Variants in NEDD4L observed in about 807,000 individuals in gnomAD.
NEDD4L encodes the protein E3 ubiquitin-protein ligase NEDD4-like.
NEDD4L carries 54 observed loss-of-function variants against 148.9 expected under a neutral mutation model. That is an observed-to-expected ratio of 0.36 (90% confidence interval 0.29 to 0.45). The LOEUF (loss-of-function observed/expected upper bound fraction) is 0.45, where lower values mean the gene tolerates loss of function less well. NEDD4L is among the 20% of genes least tolerant of loss of function. The pLI is 1.00. For synonymous variants in NEDD4L, 433 were observed against 440.7 expected, an observed-to-expected ratio of 0.98 and a Z score of 0.22; for missense variants, 856 against 1,233.8, an observed-to-expected ratio of 0.69 and a Z score of 4.59.
intron 1 of NEDD4L, among the ~76,000 whole-genome samples, chr18:58,097,470 A>T (rs966198296): frequency 6.6e-6 from 1 of 152,258 alleles, no homozygotes; most frequent in Non-Finnish European, 1.5e-5. Flanking sequence ...GAAGGACATC[A>T]GAAACAAAGG....
rs534119844 is a variant in NEDD4L at position 58,398,706 on chromosome 18, G to A, written c.*2437G>A. The A allele has an allele frequency of 6.6e-6, 1 of 152,318 alleles. No homozygotes were observed. The highest frequency in any genetic ancestry group is 2.4e-5 in the African/African-American group (1 of 41,570). 9.4% of individuals were successfully genotyped at this position (152,318 alleles called of 1,614,324 possible). A position where few individuals can be genotyped will look rare whatever the true frequency, so the allele number is the denominator to read the frequency against. ...TAAAAAAGCAAAACAAGGTTCAGTA[G>A]TCCTCAGCAATTCTCCAAGTTTCTC... On this transcript the variant is annotated 3_prime_UTR_variant, in exon 31 of 31. Transcript: ENST00000400345.
intron 1 of NEDD4L, among the ~76,000 whole-genome samples, chr18:58,084,178 T>C (rs1038452105): frequency 6.6e-6 from 1 of 152,120 alleles, no homozygotes; most frequent in Non-Finnish European, 1.5e-5. Flanking sequence ...ACATATTGTG[T>C]GATTATATGG....
At chr18:58,083,660 C>T (rs919515224) in intron 1 of NEDD4L, among the ~76,000 whole-genome samples, 1 of 150,728 alleles carries the variant, frequency 6.6e-6, no homozygotes, top group East Asian at 2.0e-4. Flanking sequence ...TGCACTCCAG[C>T]CTGGGCGACA....
intron 2 of NEDD4L, among the ~76,000 whole-genome samples, chr18:58,187,022 G>C (rs970579929): frequency 2.0e-5 from 3 of 152,240 alleles, no homozygotes; most frequent in Non-Finnish European, 4.4e-5. Context: ...ACGCAGGAAA[G>C]TGATCTTTGA....
chr18:58,123,286 C>T (rs747252755), intron 1 of NEDD4L, among the ~76,000 whole-genome samples: 1 of 152,156 alleles, frequency 6.6e-6, no homozygotes, highest in Admixed American at 6.5e-5. Context: ...TTTAGTGACC[C>T]TTTTTAGATC....
chr18:58,285,070 C>T (rs1246240922), intron 5 of NEDD4L, among the ~76,000 whole-genome samples: 1 of 152,198 alleles, frequency 6.6e-6, no homozygotes, highest in Non-Finnish European at 1.5e-5. Flanking sequence ...ATGCTTCCAG[C>T]AAAGGATTTC....
intron 16 of NEDD4L, among the ~76,000 whole-genome samples, chr18:58,347,964 G>GT (rs35777699): frequency 0.3 from 44,298 of 149,674 alleles, 6,612 homozygotes; most frequent in Middle Eastern, 0.41. Context: ...GTTGATAGTG[G>GT]TTTTTTTTTT....
Position 58,118,488 on chromosome 18 carries a change from CTATT to C in NEDD4L, c.49-47295_49-47292del, listed in dbSNP as rs1286164521. ...GTTAAAACAATTTGTTTACAAAATC[CTATT>C]TATTAAAATAAAAATCTGAAAGAAC... On this transcript the variant is annotated intron_variant, in intron 1 of 30. Coordinates refer to ENST00000400345, the MANE Select transcript of NEDD4L (RefSeq NM_001144967.3). Among the ~76,000 whole-genome samples the C allele has an allele frequency of 6.6e-5, 10 of 152,332 alleles. No individual in the cohort carries two copies. In the East Asian group the frequency reaches 1.9e-3, roughly 29 times the overall value.
chr18:58,296,943 C>T (rs933214670), intron 5 of NEDD4L, among the ~76,000 whole-genome samples: 5 of 151,578 alleles, frequency 3.3e-5, no homozygotes, highest in African/African-American at 4.8e-5. Flanking sequence ...AAAAGTTAAA[C>T]GAGTGTCTTG....
chr18:58,380,771 T>A (rs2048238064), intron 24 of NEDD4L, among the ~76,000 whole-genome samples: 1 of 152,166 alleles, frequency 6.6e-6, no homozygotes, highest in Non-Finnish European at 1.5e-5. Context: ...CCCCTCCCTG[T>A]GTCCATGAGT....
intron 20 of NEDD4L, among the ~76,000 whole-genome samples, chr18:58,365,384 C>T (rs1014105287): frequency 6.6e-6 from 1 of 152,238 alleles, no homozygotes; most frequent in East Asian, 1.9e-4. Context: ...TTCATTCTTA[C>T]AGCCAGACCA....
chr18:58,138,537 C>A (rs1340836948), intron 1 of NEDD4L, among the ~76,000 whole-genome samples: 1 of 152,140 alleles, frequency 6.6e-6, no homozygotes, highest in Admixed American at 6.5e-5. Flanking sequence ...TCCCTCTTCC[C>A]TCCTTGGCTG....
intron 2 of NEDD4L, among the ~76,000 whole-genome samples, chr18:58,172,695 A>G (rs1012834375): frequency 6.6e-6 from 1 of 152,190 alleles, no homozygotes; most frequent in Non-Finnish European, 1.5e-5. Context: ...TTGGAACCCA[A>G]TGTAATGTCA....
chr18:58,268,787 C>A (rs2050603718), intron 5 of NEDD4L, among the ~76,000 whole-genome samples: 1 of 152,100 alleles, frequency 6.6e-6, no homozygotes, highest in Non-Finnish European at 1.5e-5. Flanking sequence ...GCCAGTTTAT[C>A]CTCAGGCTTC....
intron 5 of NEDD4L, among the ~76,000 whole-genome samples, chr18:58,291,173 A>G (rs987730980): frequency 1.1e-4 from 16 of 151,120 alleles, no homozygotes; most frequent in African/African-American, 3.4e-4. Context: ...CACACAGAGA[A>G]CCAGGCCGAC....
chr18:58,374,958 C>G (rs762872013), intron 24 of NEDD4L, among the ~76,000 whole-genome samples: 3 of 152,196 alleles, frequency 2.0e-5, no homozygotes, highest in Non-Finnish European at 2.9e-5. Flanking sequence ...CCAGAATTCC[C>G]AGGTCTAACG....
intron 5 of NEDD4L, among the ~76,000 whole-genome samples, chr18:58,294,366 T>C (rs1228687151): frequency 6.6e-6 from 1 of 152,124 alleles, no homozygotes; most frequent in Non-Finnish European, 1.5e-5. Context: ...GCTAGGGTGG[T>C]GGGGTGATGG....
intron 24 of NEDD4L, among the ~76,000 whole-genome samples, chr18:58,381,902 AC>A (rs762654816): frequency 1.7e-4 from 26 of 152,204 alleles, no homozygotes; most frequent in Non-Finnish European, 3.2e-4. Flanking sequence ...GGAGCAGATG[AC>A]CCCTGGGAGA....
At chr18:58,109,572 G>GTTTTTTTTTTTT in intron 1 of NEDD4L, among the ~76,000 whole-genome samples, 1 of 117,644 alleles carries the variant, frequency 8.5e-6, no homozygotes, top group Non-Finnish European at 1.7e-5. Context: ...TTTTTTTTTT[G>GTTTTTTTTTTTT]TTTTTTTTTT....
Sources: gnomAD v4.1 joint callset for allele counts (sites outside exome capture counted in the v4.1 genomes callset) on GRCh38, gnomAD v4.1.1 for gene constraint, MANE v1.5 for transcripts, NCBI Gene and HGNC (gene_info 2026-07-23, HGNC 2026-07-21) for gene names.